The following VWC2L variants were observed in gnomAD, a reference collection of about 807,000 sequenced individuals.
VWC2L encodes von Willebrand factor C domain containing 2 like.
Under a neutral mutation model 21.6 loss-of-function variants are expected in VWC2L, and 10 were observed. That is an observed-to-expected ratio of 0.46 (90% CI 0.29 to 0.78). The LOEUF (loss-of-function observed/expected upper bound fraction) is 0.78. Among genes scored for constraint, VWC2L ranks in the 30% least tolerant of loss-of-function variants. The pLI is 0.10. For missense variants in VWC2L, 209 were observed against 277.1 expected (o/e 0.75, Z 1.74); for synonymous variants, 96 against 94.3 (o/e 1.02, Z -0.10).
intron 3 of VWC2L, among the ~76,000 whole-genome samples, chr2:214,446,130 TAGAC>T (rs1485508023): frequency 5.9e-5 from 9 of 152,298 alleles, no homozygotes; most frequent in Non-Finnish European, 8.8e-5. Flanking sequence ...TCTTTTTAGG[TAGAC>T]AATTAGTGAT....
At chr2:214,526,863 A>T (rs10192450) in intron 3 of VWC2L, among the ~76,000 whole-genome samples, 82,517 of 151,984 alleles carry the variant, frequency 0.54, 22,606 homozygotes, top group East Asian at 0.74. Context: ...TGCATATATA[A>T]CCAAAAGAAA....
At chr2:214,514,325 T>C (rs992114174) in intron 3 of VWC2L, among the ~76,000 whole-genome samples, 4 of 152,066 alleles carry the variant, frequency 2.6e-5, no homozygotes. Context: ...TTCTGATCTT[T>C]AGGTAACACT....
At chr2:214,427,404 A>G (rs1702540234) in intron 2 of VWC2L, among the ~76,000 whole-genome samples, 1 of 152,184 alleles carries the variant, frequency 6.6e-6, no homozygotes, top group South Asian at 2.1e-4. Flanking sequence ...TACTTAAATC[A>G]AGACTCCAAA....
chr2:214,555,631 G>C (rs945922117), intron 3 of VWC2L, among the ~76,000 whole-genome samples: 8 of 152,154 alleles, frequency 5.3e-5, no homozygotes, highest in African/African-American at 1.9e-4. Context: ...TTTGAGCTAA[G>C]AGTGGCAGCA....
At chr2:214,498,531 AG>A (rs1434376711) in intron 3 of VWC2L, among the ~76,000 whole-genome samples, 1 of 151,966 alleles carries the variant, frequency 6.6e-6, no homozygotes, top group Admixed American at 6.6e-5. Flanking sequence ...ATACAGAAAA[AG>A]TTTATGATTT....
intron 3 of VWC2L, among the ~76,000 whole-genome samples, chr2:214,490,039 G>A (rs1344812512): frequency 6.6e-6 from 1 of 152,190 alleles, no homozygotes; most frequent in African/African-American, 2.4e-5. Context: ...AGAAATTGCA[G>A]TCATCCAGCC....
At chr2:214,478,244 C>T (rs1006950626) in intron 3 of VWC2L, among the ~76,000 whole-genome samples, 2 of 151,832 alleles carry the variant, frequency 1.3e-5, no homozygotes, top group Non-Finnish European at 2.9e-5. Flanking sequence ...GTTGGGAGGC[C>T]GAGGCAGGCG....
chr2:214,480,303 C>T lies in VWC2L; in HGVS notation c.520+43545C>T, dbSNP rs75778270. On this transcript the variant is annotated intron_variant, in intron 3 of 3. Coordinates refer to ENST00000312504, the MANE Select transcript of VWC2L (RefSeq NM_001080500.4). ...AACAAAACTAGAAAAAACCTAAAGTCCCAGATGTTTGTGATATGTTTTAAA... is the reference window on the plus strand; with the variant it reads ...AACAAAACTAGAAAAAACCTAAAGTTCCAGATGTTTGTGATATGTTTTAAA... Among the ~76,000 whole-genome samples, 1,429 of 152,138 alleles carry T rather than the reference C, an allele frequency of 9.4e-3. 23 individuals carry two copies. Among genetic ancestry groups the T allele is most frequent in the African/African-American group, 0.032 (1,347 of 41,514 alleles).
intron 3 of VWC2L, among the ~76,000 whole-genome samples, chr2:214,512,604 T>G (rs540538452): frequency 1.3e-5 from 2 of 152,314 alleles, no homozygotes; most frequent in South Asian, 4.1e-4. Context: ...TCTAAAAATT[T>G]TTGTCAATGG....
chr2:214,456,469 C>T (rs751279613), intron 3 of VWC2L, among the ~76,000 whole-genome samples: 12 of 151,956 alleles, frequency 7.9e-5, no homozygotes, highest in Admixed American at 2.0e-4. Flanking sequence ...CCGGACATTA[C>T]GCCTTTGTCA....
chr2:214,541,638 C>T (rs62199890), intron 3 of VWC2L, among the ~76,000 whole-genome samples: 48,273 of 151,932 alleles, frequency 0.32, 8,013 homozygotes, highest in East Asian at 0.47. Context: ...CTCTGCCACA[C>T]GTTAGGTAGG....
At chr2:214,436,455 G>A in intron 2 of VWC2L, 174 bp from the exon 3 acceptor site, 1 of 740,670 alleles carries the variant, frequency 1.4e-6, no homozygotes, top group South Asian at 2.1e-5. Flanking sequence ...AATCCACTGT[G>A]ACTTGGGTGT....
At chr2:214,445,526 A>C (rs1024559426) in intron 3 of VWC2L, among the ~76,000 whole-genome samples, 4 of 151,816 alleles carry the variant, frequency 2.6e-5, no homozygotes, top group Non-Finnish European at 5.9e-5. Flanking sequence ...ATGTATGTAC[A>C]TATATACATA....
At chr2:214,480,511 C>A (rs564203796) in intron 3 of VWC2L, among the ~76,000 whole-genome samples, 2 of 152,142 alleles carry the variant, frequency 1.3e-5, no homozygotes, top group African/African-American at 4.8e-5. Flanking sequence ...AAGAATCACG[C>A]TCAGTTTAGA....
At chr2:214,545,595 C>T (rs923844371) in intron 3 of VWC2L, among the ~76,000 whole-genome samples, 4 of 152,078 alleles carry the variant, frequency 2.6e-5, no homozygotes, top group African/African-American at 9.7e-5. Context: ...TTCTGAAGTT[C>T]CAGAGCTGCC....
chr2:214,560,988 T>G (rs890167008), intron 3 of VWC2L, among the ~76,000 whole-genome samples: 1 of 152,258 alleles, frequency 6.6e-6, no homozygotes, highest in Non-Finnish European at 1.5e-5. Flanking sequence ...AAGCTCCATA[T>G]ATTTTGAAAC....
intron 2 of VWC2L, chr2:214,415,000 G>C: frequency 5.3e-6 from 1 of 187,342 alleles, no homozygotes; most frequent in Non-Finnish European, 1.1e-5. Context: ...ATATAGTCTA[G>C]AATTATTTGT....
intron 3 of VWC2L, among the ~76,000 whole-genome samples, chr2:214,508,061 C>G (rs1056247022): frequency 1.3e-5 from 2 of 152,144 alleles, no homozygotes; most frequent in Non-Finnish European, 2.9e-5. Flanking sequence ...ACTGCAAGCT[C>G]CGCCTACCGG....
At chr2:214,527,309 T>C (rs111287424) in intron 3 of VWC2L, among the ~76,000 whole-genome samples, 5 of 152,230 alleles carry the variant, frequency 3.3e-5, no homozygotes, top group African/African-American at 1.2e-4. Flanking sequence ...CGCTACCTGG[T>C]TGACAGGATC....
Sources: gnomAD v4.1 joint callset for allele counts (sites outside exome capture counted in the v4.1 genomes callset) on GRCh38, gnomAD v4.1.1 for gene constraint, MANE v1.5 for transcripts, NCBI Gene and HGNC (gene_info 2026-07-23, HGNC 2026-07-21) for gene names.